Variants in SLTM observed in about 807,000 individuals in gnomAD.
The protein encoded by SLTM is SAFB like transcription modulator.
Under a neutral mutation model 134.6 loss-of-function variants are expected in SLTM, and 43 were observed. The observed-to-expected ratio is 0.32, with a 90% confidence interval of 0.25 to 0.41. The LOEUF is 0.41. SLTM is among the 10% of genes least tolerant of loss of function. SLTM has a pLI of 1.00. For synonymous variants in SLTM, 424 were observed against 432.3 expected (o/e 0.98, Z 0.24); for missense variants, 1,055 against 1,288.8 (o/e 0.82, Z 2.78).
intron 5 of SLTM, among the ~76,000 whole-genome samples, chr15:58,901,952 G>T (rs1488374148): frequency 6.6e-6 from 1 of 151,442 alleles, no homozygotes; most frequent in Non-Finnish European, 1.5e-5. Context: ...ATTTTAAAAT[G>T]GTATTTGTGT....
At chr15:58,906,478 T>C (rs548501201) in intron 5 of SLTM, among the ~76,000 whole-genome samples, 7 of 152,326 alleles carry the variant, frequency 4.6e-5, no homozygotes, top group Admixed American at 4.6e-4. Flanking sequence ...CAGCAATGAC[T>C]ACTAAGAGAC....
Position 58,899,946 on chromosome 15 carries a change from A to T in SLTM, c.590-9T>A, listed in dbSNP as rs772575987. 6.3e-7 allele frequency: 1 copy of T among 1,588,906 alleles called. No individual in the cohort carries two copies. Among genetic ancestry groups the T allele is most frequent in the East Asian group, 2.2e-5 (1 of 44,546 alleles). On this transcript the variant is annotated splice_polypyrimidine_tract_variant and intron_variant, in intron 6 of 20. Transcript: ENST00000380516. The surrounding 1 kb of genome is among the most constrained non-coding windows in gnomAD (Gnocchi z 5.0). ...ACCAGAACCTGCTATATCTAAGAGGATTTAACAGGAATAAATATGGCAAAA... is the reference window on the plus strand; with the variant it reads ...ACCAGAACCTGCTATATCTAAGAGGTTTTAACAGGAATAAATATGGCAAAA...
At position 58,928,799 on chromosome 15, in the gene SLTM, T is replaced by C. The variant is rs182788283; in HGVS notation, c.250+3557A>G. Among the ~76,000 whole-genome samples, 12 of 152,352 alleles carry C rather than the reference T, an allele frequency of 7.9e-5. No homozygotes were observed. In the East Asian group the frequency reaches 2.3e-3, roughly 29 times the overall value. The stretch of plus-strand genomic sequence containing the variant: ...CATTTCTTTTCCTGACCAGCTATTA[T>C]ATATTATGTCTCGCTGATGTCTACA... On this transcript the variant is annotated intron_variant, in intron 2 of 20. Coordinates refer to ENST00000380516, the MANE Select transcript of SLTM (RefSeq NM_024755.4).
At chr15:58,881,458 C>T (rs768337329) in intron 20 of SLTM, among the ~76,000 whole-genome samples, 12 of 151,132 alleles carry the variant, frequency 7.9e-5, no homozygotes, top group East Asian at 1.9e-4. Flanking sequence ...ACCCAGGAGG[C>T]GGAGGATGCA....
chr15:58,909,703 A>T (rs1399030866), intron 5 of SLTM, among the ~76,000 whole-genome samples: 1 of 152,226 alleles, frequency 6.6e-6, no homozygotes, highest in African/African-American at 2.4e-5. Context: ...GTGGGGTGTT[A>T]ACGCTGAATC....
chr15:58,893,234 G>A (rs771602102), intron 13 of SLTM, 45 bp downstream of exon 13: 69 of 1,500,636 alleles, frequency 4.6e-5, no homozygotes, highest in Non-Finnish European at 6.1e-5. Flanking sequence ...ATCTTCTTTT[G>A]TAAACAGCTG....
At chr15:58,883,566 T>C (rs1054156877) in intron 20 of SLTM, 60 bp downstream of exon 20, 4 of 1,597,308 alleles carry the variant, frequency 2.5e-6, no homozygotes, top group Admixed American at 1.7e-5. Context: ...CTATAATGAC[T>C]TTTATGGAAA....
intron 2 of SLTM, among the ~76,000 whole-genome samples, chr15:58,927,844 A>T (rs1273510387): frequency 1.3e-5 from 2 of 152,228 alleles, no homozygotes; most frequent in African/African-American, 4.8e-5. Flanking sequence ...AGCTGGAGGA[A>T]AAAAGCTAAT....
chr15:58,903,606 G>A (rs1158040996), intron 5 of SLTM, among the ~76,000 whole-genome samples: 1 of 151,934 alleles, frequency 6.6e-6, no homozygotes, highest in Non-Finnish European at 1.5e-5. Flanking sequence ...GTTAACGGGT[G>A]CAGCACACCA....
chr15:58,904,639 C>T (rs765166325), intron 5 of SLTM, among the ~76,000 whole-genome samples: 2 of 151,576 alleles, frequency 1.3e-5, no homozygotes, highest in Non-Finnish European at 2.9e-5. Flanking sequence ...CTCTGCCTCC[C>T]GGGTTCCAGG....
In SLTM at chr15:58,899,568, T is replaced by C; in HGVS notation, c.959A>G (p.Glu320Gly). ...TGCTTTCTTAGAACTTTCTCTGGCT[T>C]CCTTCTCGACAGGGTCACCCTTCAC... ...DCVKGDPVEK[E>G]ARESSKKAES... is the part of the protein sequence containing the mutation. The change falls in exon 7 of 21, where the codon GAA becomes GGA. Residue 320 changes from glutamate (E) to glycine (G), a missense_variant. Coordinates refer to ENST00000380516, the MANE Select transcript of SLTM (RefSeq NM_024755.4). The surrounding 1 kb of genome is among the most constrained non-coding windows in gnomAD (Gnocchi z 5.0). The C allele has an allele frequency of 6.2e-7, 1 of 1,614,190 alleles. No individual in the cohort carries two copies. Among genetic ancestry groups the C allele is most frequent in the Non-Finnish European group, 8.5e-7 (1 of 1,180,012 alleles).
At position 58,894,448 on chromosome 15, in the gene SLTM, C is replaced by T; in HGVS notation, c.1362G>A (p.Leu454=). Residue 454 remains leucine (L), a synonymous_variant, in exon 10 of 21, where the codon CTG becomes CTA. Coordinates refer to ENST00000380516, the MANE Select transcript of SLTM (RefSeq NM_024755.4). The part of the protein sequence containing the change: ...HLHRTELHGQ[L]ISVEKVKGDP... ...GGAAGCTTACTTTTTCAACAGAAAT[C>T]AGCTGTCCATGCAGCTCAGTGCGAT... 6.2e-7 allele frequency: 1 copy of T among 1,614,102 alleles called. No homozygotes were observed. The highest frequency in any genetic ancestry group is 8.5e-7 in the Non-Finnish European group (1 of 1,180,004).
chr15:58,908,651 G>A (rs2036048219), intron 5 of SLTM, among the ~76,000 whole-genome samples: 1 of 151,988 alleles, frequency 6.6e-6, no homozygotes. Context: ...TTACAGGCAG[G>A]AGCCACCACA....
chr15:58,932,671 C>G (rs1468121253), intron 1 of SLTM, among the ~76,000 whole-genome samples: 2 of 152,080 alleles, frequency 1.3e-5, no homozygotes. Flanking sequence ...TTAAATTCTA[C>G]CGTGTCAAGA....
intron 15 of SLTM, among the ~76,000 whole-genome samples, 179 bp from the exon 16 acceptor site, chr15:58,889,733 C>A (rs1230463540): frequency 1.3e-5 from 2 of 152,152 alleles, no homozygotes; most frequent in African/African-American, 4.8e-5. Flanking sequence ...TATTGTTCTG[C>A]AACATTAAAA....
chr15:58,909,688 C>T (rs1159353138), intron 5 of SLTM, among the ~76,000 whole-genome samples: 4 of 152,176 alleles, frequency 2.6e-5, no homozygotes, highest in Non-Finnish European at 4.4e-5. Context: ...TGTGTGTGTG[C>T]TGGAGTGGGG....
At chr15:58,918,280 A>G (rs1384884026) in intron 2 of SLTM, among the ~76,000 whole-genome samples, 1 of 152,082 alleles carries the variant, frequency 6.6e-6, no homozygotes. Context: ...CTTTCCTAAG[A>G]CCAACGAATG....
At chr15:58,930,715 AT>A (rs1459731839) in intron 2 of SLTM, among the ~76,000 whole-genome samples, 3 of 96,480 alleles carry the variant, frequency 3.1e-5, no homozygotes, top group East Asian at 5.5e-4. Flanking sequence ...ATTAAAAAAT[AT>A]ATATATATAT....
intron 2 of SLTM, among the ~76,000 whole-genome samples, chr15:58,926,289 A>G (rs1449780529): frequency 1.3e-5 from 2 of 152,172 alleles, no homozygotes; most frequent in African/African-American, 4.8e-5. Flanking sequence ...AGAAATATTT[A>G]AGTTCTATCT....
Sources: gnomAD v4.1 joint callset for allele counts (sites outside exome capture counted in the v4.1 genomes callset) on GRCh38, gnomAD v4.1.1 for gene constraint, Gnocchi (gnomAD v3.1) non-coding constraint, MANE v1.5 for transcripts, NCBI Gene and HGNC (gene_info 2026-07-23, HGNC 2026-07-21) for gene names.